The following RTN1 variants were observed in gnomAD, a reference collection of about 807,000 sequenced individuals.
RTN1 encodes the protein reticulon-1.
Under a neutral mutation model 65.5 loss-of-function variants are expected in RTN1, and 25 were observed. That is an observed-to-expected ratio of 0.38 (90% CI 0.28 to 0.53). The LOEUF is 0.53. RTN1 is among the 20% of genes least tolerant of loss of function. The pLI, the probability that RTN1 is intolerant of heterozygous loss-of-function variation, is 0.79. For missense variants in RTN1, 983 were observed against 1,025.4 expected, an observed-to-expected ratio of 0.96 and a Z score of 0.57; for synonymous variants, 471 against 447.6, an observed-to-expected ratio of 1.05 and a Z score of -0.66.
chr14:59,671,976 G>A (rs1454195204), intron 3 of RTN1, among the ~76,000 whole-genome samples: 2 of 152,164 alleles, frequency 1.3e-5, no homozygotes, highest in African/African-American at 2.4e-5. Flanking sequence ...TTCCTGAAAT[G>A]GACACTATAC....
chr14:59,624,228 A>C (rs1882331736), intron 3 of RTN1, among the ~76,000 whole-genome samples: 1 of 152,218 alleles, frequency 6.6e-6, no homozygotes, highest in South Asian at 2.1e-4. Context: ...ATACTTTGGA[A>C]AAATAGAACA....
chr14:59,664,652 G>C (rs1044171181), intron 3 of RTN1, among the ~76,000 whole-genome samples: 1 of 152,054 alleles, frequency 6.6e-6, no homozygotes, highest in Non-Finnish European at 1.5e-5. Context: ...ATGATGTTTT[G>C]ACATCTTCAG....
rs561495494 is a variant in RTN1 at position 59,663,069 on chromosome 14, A to T, written c.1766-55577T>A. 2.7e-3 allele frequency among the ~76,000 whole-genome samples: 414 copies of T among 152,242 alleles called. 1 individual carries two copies. Among genetic ancestry groups the T allele is most frequent in the African/African-American group, 9.8e-3 (406 of 41,504 alleles). On this transcript the variant is annotated intron_variant, in intron 3 of 8. Transcript: ENST00000267484. ...GCATGGTACTGCTACCAAAACAGAT[A>T]TATAGACTAATGGAACAGAACAGAG...
chr14:59,649,076 CAG>C (rs1344910027), intron 3 of RTN1, among the ~76,000 whole-genome samples: 1 of 152,160 alleles, frequency 6.6e-6, no homozygotes, highest in East Asian at 1.9e-4. Flanking sequence ...ACCAACGAAA[CAG>C]AACAGAGGCC....
chr14:59,648,653 G>C (rs1452358139), intron 3 of RTN1, among the ~76,000 whole-genome samples: 1 of 152,150 alleles, frequency 6.6e-6, no homozygotes, highest in African/African-American at 2.4e-5. Flanking sequence ...CAACAAATGT[G>C]ATTCATCACA....
intron 1 of RTN1, among the ~76,000 whole-genome samples, chr14:59,762,029 C>T (rs1885758204): frequency 6.6e-6 from 1 of 152,104 alleles, no homozygotes; most frequent in African/African-American, 2.4e-5. Context: ...TGTGGTATGG[C>T]ATGCCGTGGT....
chr14:59,658,060 GA>G (rs1883160732), intron 3 of RTN1, among the ~76,000 whole-genome samples: 2 of 152,230 alleles, frequency 1.3e-5, no homozygotes, highest in South Asian at 4.1e-4. Flanking sequence ...TTGGTGGGGG[GA>G]GGGGCATCCG....
intron 3 of RTN1, among the ~76,000 whole-genome samples, chr14:59,721,280 G>A (rs1884642639): frequency 6.6e-6 from 1 of 152,210 alleles, no homozygotes; most frequent in Admixed American, 6.5e-5. Flanking sequence ...ATACACAGAG[G>A]AGGCCATGGG....
chr14:59,618,660 G>C (rs1365158285), intron 3 of RTN1, among the ~76,000 whole-genome samples: 2 of 152,220 alleles, frequency 1.3e-5, no homozygotes, highest in East Asian at 3.8e-4. Context: ...GTTAATAGGA[G>C]AATCAGGATC....
chr14:59,819,165 A>G (rs958040501), intron 1 of RTN1, among the ~76,000 whole-genome samples: 2 of 152,028 alleles, frequency 1.3e-5, no homozygotes, highest in Admixed American at 6.5e-5. Context: ...AGACCTTCAC[A>G]GTGTGTGTTA....
chr14:59,674,171 G>A lies in RTN1; in HGVS notation c.1765+52748C>T, dbSNP rs117297122. On this transcript the variant is annotated intron_variant, in intron 3 of 8. Coordinates refer to ENST00000267484, the MANE Select transcript of RTN1 (RefSeq NM_021136.3). Reference sequence around the variant, plus strand: ...GGAAGTCCACAAGAGAAACAGAAATGAATAAATACTTTAAAGACAAAGTTA... The same window carrying A: ...GGAAGTCCACAAGAGAAACAGAAATAAATAAATACTTTAAAGACAAAGTTA... Among the ~76,000 whole-genome samples the A allele has an allele frequency of 2.9e-3, 444 of 152,262 alleles. 26 individuals are homozygous for A. The East Asian group carries it at 0.077, about 27-fold the overall frequency.
chr14:59,722,348 G>C (rs1182744496), intron 3 of RTN1, among the ~76,000 whole-genome samples: 2 of 152,192 alleles, frequency 1.3e-5, no homozygotes, highest in Non-Finnish European at 2.9e-5. Flanking sequence ...TTTGAGAAGT[G>C]TCACACATAA....
chr14:59,866,400 A>G (rs1367655449), intron 1 of RTN1, among the ~76,000 whole-genome samples: 1 of 152,162 alleles, frequency 6.6e-6, no homozygotes, highest in African/African-American at 2.4e-5. Context: ...AATCAGAAGT[A>G]AAAAAGAGAT....
chr14:59,601,610 A>G (rs1881580611), intron 8 of RTN1, among the ~76,000 whole-genome samples: 1 of 152,202 alleles, frequency 6.6e-6, no homozygotes, highest in Non-Finnish European at 1.5e-5. Context: ...AATAGGTATG[A>G]TTTGTGATAC....
intron 3 of RTN1, among the ~76,000 whole-genome samples, chr14:59,609,625 G>A (rs1034858608): frequency 2.0e-5 from 3 of 152,130 alleles, no homozygotes; most frequent in Admixed American, 2.0e-4. Flanking sequence ...ATAAATTGGG[G>A]CAAGCCTAGG....
At chr14:59,841,481 A>C (rs1887310699) in intron 1 of RTN1, among the ~76,000 whole-genome samples, 1 of 152,192 alleles carries the variant, frequency 6.6e-6, no homozygotes, top group Non-Finnish European at 1.5e-5. Flanking sequence ...GGATCACTCG[A>C]GGTCAGGAGT....
chr14:59,737,874 T>C (rs1432522228), intron 2 of RTN1, among the ~76,000 whole-genome samples: 3 of 152,214 alleles, frequency 2.0e-5, no homozygotes, highest in African/African-American at 7.2e-5. Flanking sequence ...TACAACCATC[T>C]GATCTTTGAC....
intron 3 of RTN1, among the ~76,000 whole-genome samples, chr14:59,666,989 C>G (rs61985008): frequency 1.2e-3 from 140 of 120,140 alleles, no homozygotes; most frequent in Non-Finnish European, 2.0e-3. Flanking sequence ...AAAAAAAAAG[C>G]CCAGGACCAT....
chr14:59,633,798 A>G (rs1882605797), intron 3 of RTN1, among the ~76,000 whole-genome samples: 1 of 152,214 alleles, frequency 6.6e-6, no homozygotes, highest in Admixed American at 6.5e-5. Flanking sequence ...CAGGAAAAGC[A>G]AAATAGTCAA....
Sources: allele counts gnomAD v4.1 joint callset (sites outside exome capture counted in the v4.1 genomes callset), GRCh38; gene constraint gnomAD v4.1.1; transcripts MANE v1.5; gene names NCBI Gene and HGNC (gene_info 2026-07-23, HGNC 2026-07-21).